The following NAF1 variants were observed in gnomAD, a reference collection of about 807,000 sequenced individuals.
NAF1 encodes nuclear assembly factor 1 ribonucleoprotein, also known as H/ACA ribonucleoprotein complex non-core subunit NAF1.
Under a neutral mutation model 40.6 loss-of-function variants are expected in NAF1, and 11 were observed. The observed-to-expected ratio is 0.27, with a 90% CI of 0.17 to 0.45. NAF1 has a LOEUF of 0.45. Among genes scored for constraint, NAF1 ranks in the 20% least tolerant of loss-of-function variants. NAF1 has a pLI of 1.00. For missense variants in NAF1, 607 were observed against 611.1 expected, an observed-to-expected ratio of 0.99 and a Z score of 0.07; for synonymous variants, 260 against 228.5, an observed-to-expected ratio of 1.14 and a Z score of -1.24.
At chr4:163,163,654 C>T (rs1392264819) in intron 2 of NAF1, among the ~76,000 whole-genome samples, 1 of 147,066 alleles carries the variant, frequency 6.8e-6, no homozygotes, top group Non-Finnish European at 1.5e-5. Context: ...CCAAACCTAT[C>T]GAGTGCCAAT....
intron 2 of NAF1, chr4:163,110,390 T>C: frequency 4.7e-6 from 3 of 636,596 alleles, no homozygotes; most frequent in Non-Finnish European, 8.4e-6. Context: ...TATTGTATTA[T>C]TAGTTGTTGT....
At chr4:163,141,594 C>T (rs1216418383) in intron 4 of NAF1, among the ~76,000 whole-genome samples, 5 of 152,128 alleles carry the variant, frequency 3.3e-5, no homozygotes, top group Non-Finnish European at 7.3e-5. Flanking sequence ...TATTGTAGGA[C>T]ATTTAGGCAG....
chr4:163,110,898 A>G (rs931568342), intron 2 of NAF1, among the ~76,000 whole-genome samples: 1 of 152,160 alleles, frequency 6.6e-6, no homozygotes, highest in African/African-American at 2.4e-5. Flanking sequence ...GGCCTACATC[A>G]AAACTGAGAT....
At position 163,110,081 on chromosome 4, in the gene NAF1, A is replaced by G. The variant is rs537528773; in HGVS notation, c.*195T>C. 5 of 473,272 alleles carry G rather than the reference A, an allele frequency of 1.1e-5. No individual in the cohort carries two copies. In the South Asian group the frequency reaches 2.3e-4, roughly 22 times the overall value. The allele number at this position is 473,272 out of a possible 1,614,324, so 29.3% of individuals were successfully genotyped here. A position where few individuals can be genotyped will look rare whatever the true frequency, so the allele number is the denominator to read the frequency against. On this transcript the variant is annotated 3_prime_UTR_variant, in exon 3 of 3. Transcript: ENST00000509434. ...AGAACATTCAGTAAGATAGCTTTTCATTATTTATTTAGGCAGAACATACAG... is the reference window on the plus strand; with the variant it reads ...AGAACATTCAGTAAGATAGCTTTTCGTTATTTATTTAGGCAGAACATACAG...
chr4:163,163,136 T>C (rs1732294217), intron 2 of NAF1, among the ~76,000 whole-genome samples: 1 of 152,196 alleles, frequency 6.6e-6, no homozygotes, highest in African/African-American at 2.4e-5. Flanking sequence ...ACAAGTCTCC[T>C]ACTTTCAGAA....
chr4:163,121,880 G>A (rs1258965126), downstream of NAF1, among the ~76,000 whole-genome samples: 1 of 152,102 alleles, frequency 6.6e-6, no homozygotes, highest in Non-Finnish European at 1.5e-5. Flanking sequence ...AGAAAGAATT[G>A]TTTATCTTCT....
At chr4:163,126,727 C>CG (rs1560782012), downstream of NAF1, 2 of 298,610 alleles carry the variant, frequency 6.7e-6, no homozygotes, top group East Asian at 1.5e-4. Flanking sequence ...AGTAGCATCA[C>CG]ATGCTACACA....
Position 163,128,859 on chromosome 4 carries a change from T to C in NAF1, c.*38A>G, listed in dbSNP as rs749878617. On this transcript the variant is annotated 3_prime_UTR_variant, in exon 8 of 8. Coordinates refer to ENST00000274054, the MANE Select transcript of NAF1 (RefSeq NM_138386.3). ...AAAAAAAAAAATCCTTACCACATAATATGAAAAGTCCACATTTCTCTGGAA... is the reference window on the plus strand; with the variant it reads ...AAAAAAAAAAATCCTTACCACATAACATGAAAAGTCCACATTTCTCTGGAA... The C allele has an allele frequency of 7.5e-6, 11 of 1,468,914 alleles. No individual in the cohort carries two copies. Among genetic ancestry groups the C allele is most frequent in the Non-Finnish European group, 9.9e-6 (11 of 1,106,618 alleles). The allele number at this position is 1,468,914 out of a possible 1,614,324, so 91.0% of individuals were successfully genotyped here.
At chr4:163,133,043 G>T in intron 7 of NAF1, 111 bp downstream of exon 7, 1 of 844,190 alleles carries the variant, frequency 1.2e-6, no homozygotes, top group Non-Finnish European at 1.9e-6. Context: ...TTAGCAGGAT[G>T]CTAGGAGGTA....
chr4:163,105,163 A>AT (rs1730033808), downstream of NAF1, among the ~76,000 whole-genome samples: 1 of 152,218 alleles, frequency 6.6e-6, no homozygotes, highest in Admixed American at 6.5e-5. Context: ...AGAGGTTAAG[A>AT]TATCAGCCAT....
At chr4:163,157,872 G>T (rs1403476696) in intron 2 of NAF1, among the ~76,000 whole-genome samples, 2 of 151,996 alleles carry the variant, frequency 1.3e-5, no homozygotes, top group Non-Finnish European at 2.9e-5. Context: ...TGCAAAAATG[G>T]AAGAAGCTAA....
At chr4:163,151,134 A>T (rs1438245284) in intron 2 of NAF1, among the ~76,000 whole-genome samples, 3 of 151,870 alleles carry the variant, frequency 2.0e-5, no homozygotes, top group Non-Finnish European at 4.4e-5. Flanking sequence ...ATTTTCAAGG[A>T]CATTTGTCTT....
At chr4:163,128,170 A>C (rs1360286776), downstream of NAF1, among the ~76,000 whole-genome samples, 2 of 152,232 alleles carry the variant, frequency 1.3e-5, no homozygotes, top group African/African-American at 4.8e-5. Flanking sequence ...CCTAGTCTGC[A>C]TGTGAGGATC....
intron 3 of NAF1, among the ~76,000 whole-genome samples, chr4:163,147,782 A>C (rs1231745108): frequency 2.6e-5 from 4 of 152,184 alleles, no homozygotes; most frequent in Non-Finnish European, 5.9e-5. Flanking sequence ...AGTCTTTAAA[A>C]GCAGAGAACC....
intron 4 of NAF1, among the ~76,000 whole-genome samples, chr4:163,140,932 T>A (rs1296410820): frequency 6.6e-6 from 1 of 152,226 alleles, no homozygotes; most frequent in South Asian, 2.1e-4. Context: ...AACACAAAGA[T>A]GGTGCAGCCT....
At chr4:163,110,007 C>A, downstream of NAF1, 1 of 389,960 alleles carries the variant, frequency 2.6e-6, no homozygotes, top group South Asian at 1.1e-4. Flanking sequence ...TTGTTTACTG[C>A]AAATGATATG....
intron 2 of NAF1, among the ~76,000 whole-genome samples, chr4:163,111,327 G>A (rs1730153245): frequency 6.6e-6 from 1 of 152,070 alleles, no homozygotes; most frequent in Admixed American, 6.6e-5. Context: ...TAGAAAATTG[G>A]AAAGCAGGTT....
intron 2 of NAF1, among the ~76,000 whole-genome samples, chr4:163,155,267 C>T (rs1423135243): frequency 6.6e-6 from 1 of 152,310 alleles, no homozygotes; most frequent in East Asian, 1.9e-4. Context: ...GTCTATTTCT[C>T]TAACTACACA....
chr4:163,126,980 T>C (rs1371124177), downstream of NAF1: 4 of 1,550,194 alleles, frequency 2.6e-6, no homozygotes, highest in African/African-American at 4.1e-5. Flanking sequence ...GACACAATGC[T>C]ATTGCATACT....
Sources: gnomAD v4.1 joint callset for allele counts (sites outside exome capture counted in the v4.1 genomes callset) on GRCh38, gnomAD v4.1.1 for gene constraint, MANE v1.5 for transcripts, NCBI Gene and HGNC (gene_info 2026-07-23, HGNC 2026-07-21) for gene names.